The following PEX14 variants were observed in gnomAD, a reference collection of about 807,000 sequenced individuals.
PEX14 encodes the protein peroxisomal biogenesis factor 14, also known as peroxisomal membrane protein PEX14.
A neutral mutation model predicts 49.5 loss-of-function variants in PEX14; 15 were observed. The ratio of observed to expected loss-of-function variants is 0.30; its 90% CI spans 0.20 to 0.47. PEX14 has a LOEUF of 0.47. PEX14 is among the 20% of genes least tolerant of loss of function. The probability of loss-of-function intolerance (pLI) is 1.00; values close to 1 mark genes in which losing one functional copy is unlikely to be tolerated. For synonymous variants in PEX14, 210 were observed against 212.7 expected, an observed-to-expected ratio of 0.99 and a Z score of 0.11; for missense variants, 398 against 494.8, an observed-to-expected ratio of 0.80 and a Z score of 1.86.
chr1:10,593,477 C>G (rs1022312762), intron 3 of PEX14, among the ~76,000 whole-genome samples: 3 of 152,106 alleles, frequency 2.0e-5, no homozygotes, highest in Admixed American at 6.6e-5. Flanking sequence ...CTTGAATTTA[C>G]ATATCAATAT....
chr1:10,575,484 G>A (rs1009815018), intron 3 of PEX14, among the ~76,000 whole-genome samples: 2 of 152,012 alleles, frequency 1.3e-5, no homozygotes, highest in Non-Finnish European at 2.9e-5. Context: ...GTTGTTAATT[G>A]GCCACAAAGA....
intron 2 of PEX14, among the ~76,000 whole-genome samples, chr1:10,510,547 T>A (rs992037507): frequency 6.6e-6 from 1 of 152,196 alleles, no homozygotes; most frequent in Non-Finnish European, 1.5e-5. Flanking sequence ...GACTTTTAGG[T>A]GCCAAAGTAG....
rs1393737437 is a variant in PEX14 at position 10,514,807 on chromosome 1, T to C, written c.84+19486T>C. Among the ~76,000 whole-genome samples the C allele has an allele frequency of 1.3e-5, 2 of 152,244 alleles. No individual in the cohort carries two copies. Among genetic ancestry groups the C allele is most frequent in the African/African-American group, 4.8e-5 (2 of 41,472 alleles). On this transcript the variant is annotated intron_variant, in intron 2 of 8. Coordinates refer to ENST00000356607, the MANE Select transcript of PEX14 (RefSeq NM_004565.3). The surrounding 1 kb of genome is among the most constrained non-coding windows in gnomAD (Gnocchi z 4.4). Reference sequence around the variant, plus strand: ...CAAGCTTCTGGCATTTTTATTGTTCTTGAAAATTGTGTACTGATTGCGATC... The same window carrying C: ...CAAGCTTCTGGCATTTTTATTGTTCCTGAAAATTGTGTACTGATTGCGATC...
chr1:10,517,655 T>C (rs1419778214), intron 2 of PEX14, among the ~76,000 whole-genome samples: 1 of 45,966 alleles, frequency 2.2e-5, no homozygotes, highest in African/African-American at 5.2e-5. Flanking sequence ...CATTTTGTTC[T>C]TTTTTTTTTT....
chr1:10,594,895 AAAAG>A (rs1472634094), intron 3 of PEX14, among the ~76,000 whole-genome samples: 1 of 152,224 alleles, frequency 6.6e-6, no homozygotes, highest in African/African-American at 2.4e-5. Flanking sequence ...AACCTTGAGA[AAAAG>A]AAAGCCAATT....
chr1:10,572,626 C>A (rs894232114), intron 3 of PEX14, among the ~76,000 whole-genome samples: 4 of 152,140 alleles, frequency 2.6e-5, no homozygotes, highest in Non-Finnish European at 5.9e-5. Flanking sequence ...GCTCTGCCTC[C>A]TGGGTTCACA....
At chr1:10,590,413 G>T (rs1640629447) in intron 3 of PEX14, among the ~76,000 whole-genome samples, 1 of 152,072 alleles carries the variant, frequency 6.6e-6, no homozygotes, top group African/African-American at 2.4e-5. Flanking sequence ...TTTTTTGTGT[G>T]CTTTTCTTTA....
chr1:10,492,758 C>G (rs1641492930), intron 1 of PEX14, among the ~76,000 whole-genome samples: 1 of 152,208 alleles, frequency 6.6e-6, no homozygotes, highest in South Asian at 2.1e-4. Context: ...TGAAGGCCTC[C>G]TCTGTGCCTG....
intron 3 of PEX14, among the ~76,000 whole-genome samples, chr1:10,555,589 G>C (rs1373359389): frequency 6.6e-6 from 1 of 151,914 alleles, no homozygotes; most frequent in Non-Finnish European, 1.5e-5. Flanking sequence ...TCAGGGAAGA[G>C]AATAGTTAAA....
rs1275628836 is a variant in PEX14 at position 10,613,895 on chromosome 1, C to T, written c.299-4437C>T. ...TGGAGACTCGAAGCATTTAAAAAGC[C>T]CACTCATTCTCTTCCTTTTCTTCCC... On this transcript the variant is annotated intron_variant, in intron 4 of 8. Coordinates refer to ENST00000356607, the MANE Select transcript of PEX14 (RefSeq NM_004565.3). This position sits in a 1 kb window ranked among gnomAD's most constrained non-coding sequence, Gnocchi z 5.0. Among the ~76,000 whole-genome samples, 1 of 152,204 alleles carries T rather than the reference C, an allele frequency of 6.6e-6. No homozygotes were observed. Among genetic ancestry groups the T allele is most frequent in the African/African-American group, 2.4e-5 (1 of 41,436 alleles).
Position 10,578,949 on chromosome 1 carries a change from G to A in PEX14, c.170-20289G>A, listed in dbSNP as rs564592224. Among the ~76,000 whole-genome samples the A allele has an allele frequency of 4.1e-4, 63 of 152,224 alleles. No homozygotes were observed. In the Middle Eastern group the frequency reaches 0.014, roughly 33 times the overall value. On this transcript the variant is annotated intron_variant, in intron 3 of 8. Coordinates refer to ENST00000356607, the MANE Select transcript of PEX14 (RefSeq NM_004565.3). ...TAATGACCTGCAGGACAAAAATCAA[G>A]CTGTCTAACATAGGGTGACAGCAGT...
intron 3 of PEX14, among the ~76,000 whole-genome samples, chr1:10,585,214 C>G (rs1640445379): frequency 6.6e-6 from 1 of 152,030 alleles, no homozygotes; most frequent in South Asian, 2.1e-4. Flanking sequence ...AGAGAAAGAG[C>G]AAAGTGTCTT....
At chr1:10,508,105 C>A (rs143155065) in intron 2 of PEX14, among the ~76,000 whole-genome samples, 3 of 152,232 alleles carry the variant, frequency 2.0e-5, no homozygotes, top group Non-Finnish European at 4.4e-5. Context: ...ACTCCCTCCC[C>A]CTATCCAAAC....
intron 3 of PEX14, among the ~76,000 whole-genome samples, chr1:10,588,043 TG>T (rs200962139): frequency 0.015 from 2,213 of 151,106 alleles, 38 homozygotes; most frequent in African/African-American, 0.046. Context: ...GCCAAGATAG[TG>T]AAACCCCATC....
Position 10,506,158 on chromosome 1 carries a change from A to G in PEX14, c.84+10837A>G, listed in dbSNP as rs616488. Among the ~76,000 whole-genome samples the G allele has an allele frequency of 0.27, 41,696 of 152,076 alleles. 6,474 individuals carry two copies. Among genetic ancestry groups the G allele is most frequent in the Admixed American group, 0.37 (5,689 of 15,272 alleles). ...GGCAGGTCCTCAGCCAGTCTCTCCC[A>G]CACTCATCTGTACCCCAGGAGCTAG... On this transcript the variant is annotated intron_variant, in intron 2 of 8. Coordinates refer to ENST00000356607, the MANE Select transcript of PEX14 (RefSeq NM_004565.3).
rs146403031 is a variant in PEX14 at position 10,506,439 on chromosome 1, C to T, written c.84+11118C>T. The stretch of plus-strand genomic sequence containing the variant: ...GATTACAGGCATGCGCCGCCATGCC[C>T]GGCTAATTTTTTGTATTTTTAGAGA... On this transcript the variant is annotated intron_variant, in intron 2 of 8. Transcript: ENST00000356607. Among the ~76,000 whole-genome samples the T allele has an allele frequency of 2.4e-3, 366 of 152,220 alleles. 2 individuals are homozygous for T. The highest frequency in any genetic ancestry group is 8.7e-3 in the African/African-American group (361 of 41,556).
chr1:10,564,998 G>A (rs1639761699), intron 3 of PEX14, among the ~76,000 whole-genome samples: 1 of 148,192 alleles, frequency 6.7e-6, no homozygotes, highest in Admixed American at 6.9e-5. Context: ...CTGCCTCCCA[G>A]GTTCAAGTGA....
At chr1:10,479,456 C>T (rs2124367270) in intron 1 of PEX14, among the ~76,000 whole-genome samples, 1 of 152,296 alleles carries the variant, frequency 6.6e-6, no homozygotes. Flanking sequence ...CATGGCTGAT[C>T]TCTCATTGAA....
Position 10,542,323 on chromosome 1 carries a change from TA to T in PEX14, c.169+6029del, listed in dbSNP as rs770185274. On this transcript the variant is annotated intron_variant, in intron 3 of 8. Coordinates refer to ENST00000356607, the MANE Select transcript of PEX14 (RefSeq NM_004565.3). ...CCCCCACAGAAACACGAATGCTTTC[TA>T]AATACAGTGGTAGCATATTTTACAC... is the stretch of plus-strand genomic sequence containing the variant. Among the ~76,000 whole-genome samples the T allele has an allele frequency of 5.9e-5, 9 of 152,374 alleles. No homozygotes were observed. In the South Asian group the frequency reaches 1.9e-3, roughly 32 times the overall value.
Sources: gnomAD v4.1 joint callset for allele counts (sites outside exome capture counted in the v4.1 genomes callset) on GRCh38, gnomAD v4.1.1 for gene constraint, Gnocchi (gnomAD v3.1) non-coding constraint, MANE v1.5 for transcripts, NCBI Gene and HGNC (gene_info 2026-07-23, HGNC 2026-07-21) for gene names.